The following RBFOX1 variants were observed in gnomAD, a reference collection of about 807,000 sequenced individuals.
RBFOX1 encodes the protein RNA binding fox-1 homolog 1, also known as RNA binding protein fox-1 homolog 1.
Under a neutral mutation model 57.7 loss-of-function variants are expected in RBFOX1, and 8 were observed. The observed-to-expected ratio is 0.14, with a 90% CI of 0.08 to 0.25. RBFOX1 has a LOEUF of 0.25. Ranked by LOEUF, RBFOX1 falls within the 10% of genes least tolerant of loss-of-function variation. RBFOX1 has a pLI of 1.00. For missense variants in RBFOX1, 611 were observed against 548.5 expected (o/e 1.11, Z -1.14); for synonymous variants, 326 against 222.4 (o/e 1.47, Z -4.15).
Position 5,622,851 on chromosome 16 carries a change from C to T in RBFOX1, c.318+23890C>T, listed in dbSNP as rs577241261. ...AATATCCTTACGTGTACGATGGCTG[C>T]GTCTGAACCCAACATGTGCAGAGTT... is the stretch of plus-strand genomic sequence containing the variant. On this transcript the variant is annotated intron_variant, in intron 3 of 19. Transcript: ENST00000641259. Among the ~76,000 whole-genome samples, 15 of 152,314 alleles carry T rather than the reference C, an allele frequency of 9.8e-5. No homozygotes were observed. The South Asian group carries it at 2.5e-3, about 25-fold the overall frequency.
chr16:6,592,590 A>G (rs1182431260), intron 2 of RBFOX1, among the ~76,000 whole-genome samples: 2 of 152,182 alleles, frequency 1.3e-5, no homozygotes, highest in Non-Finnish European at 2.9e-5. Context: ...ACCATGTAAT[A>G]CCTTTCTTTG....
chr16:6,230,017 C>G (rs757773483), intron 1 of RBFOX1, among the ~76,000 whole-genome samples: 19 of 152,038 alleles, frequency 1.2e-4, no homozygotes, highest in Admixed American at 2.6e-4. Flanking sequence ...GTGTACTTGA[C>G]TATGGATCTC....
intron 4 of RBFOX1, among the ~76,000 whole-genome samples, chr16:7,301,884 G>C (rs753536704): frequency 6.6e-6 from 1 of 152,160 alleles, no homozygotes; most frequent in Non-Finnish European, 1.5e-5. Context: ...TCTGTGGAGT[G>C]ACTTTCTCTT....
chr16:6,655,245 A>G (rs2058526), intron 3 of RBFOX1, among the ~76,000 whole-genome samples: 110,849 of 149,992 alleles, frequency 0.74, 40,981 homozygotes, highest in Admixed American at 0.78. Context: ...GTGGTGGCAC[A>G]TGCCTGTAAT....
intron 3 of RBFOX1, among the ~76,000 whole-genome samples, chr16:5,692,466 G>A (rs11643821): frequency 0.66 from 100,465 of 151,876 alleles, 34,514 homozygotes; most frequent in Non-Finnish European, 0.75. Flanking sequence ...CTGAGACTCT[G>A]TGTATTACAG....
chr16:7,339,731 T>G (rs564457111), intron 4 of RBFOX1, among the ~76,000 whole-genome samples: 1 of 152,338 alleles, frequency 6.6e-6, no homozygotes, highest in South Asian at 2.1e-4. Flanking sequence ...CAAGCCACTG[T>G]GCCTGGCCAG....
At chr16:5,505,140 G>C (rs1567171775) in intron 2 of RBFOX1, among the ~76,000 whole-genome samples, 1 of 152,202 alleles carries the variant, frequency 6.6e-6, no homozygotes, top group Non-Finnish European at 1.5e-5. Flanking sequence ...CAGTAAAGCT[G>C]TTATTAAAGC....
chr16:6,216,462 T>G (rs143116772), intron 1 of RBFOX1, among the ~76,000 whole-genome samples: 2 of 152,256 alleles, frequency 1.3e-5, no homozygotes, highest in East Asian at 1.9e-4. Context: ...CTCCCCCTCT[T>G]AATCCGAACT....
At chr16:5,702,468 C>T (rs1341365234) in intron 3 of RBFOX1, among the ~76,000 whole-genome samples, 2 of 152,184 alleles carry the variant, frequency 1.3e-5, no homozygotes, top group Non-Finnish European at 2.9e-5. Context: ...ACCATATCAC[C>T]TTGGTAATCA....
At chr16:7,686,843 T>C (rs929894794) in intron 14 of RBFOX1, among the ~76,000 whole-genome samples, 3 of 152,082 alleles carry the variant, frequency 2.0e-5, no homozygotes, top group Non-Finnish European at 2.9e-5. Context: ...TGTTAAATGT[T>C]GGAGGAACTA....
chr16:7,415,787 TA>T (rs2098472399), intron 4 of RBFOX1, among the ~76,000 whole-genome samples: 1 of 63,604 alleles, frequency 1.6e-5, no homozygotes, highest in African/African-American at 6.0e-4. Context: ...AAAATAAGAG[TA>T]TATATATATC....
intron 4 of RBFOX1, among the ~76,000 whole-genome samples, chr16:7,466,238 C>G (rs771147135): frequency 2.6e-5 from 4 of 152,186 alleles, no homozygotes; most frequent in Non-Finnish European, 4.4e-5. Context: ...CCTTACAGCT[C>G]TACTCTGAAG....
At chr16:6,714,775 G>A (rs1203008390) in intron 3 of RBFOX1, among the ~76,000 whole-genome samples, 1 of 152,168 alleles carries the variant, frequency 6.6e-6, no homozygotes, top group African/African-American at 2.4e-5. Flanking sequence ...TTTCTAAACA[G>A]TGCAATTTGT....
chr16:7,090,763 GA>G (rs1378444239), intron 4 of RBFOX1, among the ~76,000 whole-genome samples: 2 of 152,172 alleles, frequency 1.3e-5, no homozygotes, highest in South Asian at 2.1e-4. Context: ...GTAGGAGGGG[GA>G]AACAGCCTTC....
intron 1 of RBFOX1, among the ~76,000 whole-genome samples, chr16:5,397,085 G>T (rs1896969016): frequency 6.6e-6 from 1 of 152,190 alleles, no homozygotes; most frequent in East Asian, 1.9e-4. Flanking sequence ...AATTAGCAGA[G>T]AGCAGAGACA....
chr16:7,518,171 C>G lies in RBFOX1; in HGVS notation c.52C>G (p.Pro18Ala), dbSNP rs149974858. The change falls in exon 5 of 16, where the codon CCT becomes GCT. Residue 18 changes from proline to alanine, a missense_variant. Around this residue, in one of 3 missense-constraint regions of RBFOX1, gnomAD observed 245 missense variants for 159.1 expected, o/e 1.54. Transcript: ENST00000550418. ...LRGNQEAAAA[P>A]DTMAQPYASA... ...GGGTAATCAGGAAGCAGCCGCTGCC[C>G]CTGACACAATGGCTCAGCCTTACGC... The G allele has an allele frequency of 3.8e-4, 614 of 1,613,298 alleles. 1 individual carries two copies. Among genetic ancestry groups the G allele is most frequent in the Non-Finnish European group, 4.9e-4 (573 of 1,179,628 alleles).
chr16:7,709,518 G>A (rs1372475670), intron 15 of RBFOX1: 1 of 1,529,958 alleles, frequency 6.5e-7, no homozygotes, highest in Admixed American at 2.0e-5. Flanking sequence ...CCCCAGCACA[G>A]ACTTCAGAGG....
chr16:7,327,916 G>A (rs7191981), intron 4 of RBFOX1, among the ~76,000 whole-genome samples: 6,687 of 152,002 alleles, frequency 0.044, 398 homozygotes, highest in African/African-American at 0.13. Context: ...GATGTTGACC[G>A]ACAGAATCCA....
At chr16:7,345,564 G>A (rs1045703853) in intron 4 of RBFOX1, among the ~76,000 whole-genome samples, 6 of 152,234 alleles carry the variant, frequency 3.9e-5, no homozygotes, top group South Asian at 4.2e-4. Context: ...TTGTGTGGGC[G>A]CCCAGCAGAT....
Sources: allele counts gnomAD v4.1 joint callset (sites outside exome capture counted in the v4.1 genomes callset), GRCh38; gene constraint gnomAD v4.1.1; regional missense constraint gnomAD v4.1.1; transcripts MANE v1.5; gene names NCBI Gene and HGNC (gene_info 2026-07-23, HGNC 2026-07-21).